C7orf78: variants seen among roughly 807,000 people sequenced by gnomAD.
C7orf78 encodes chromosome 7 open reading frame 78, also known as putative uncharacterized protein C7orf78.
chr7:12,541,705 C>T, the C7orf78 span: 2 of 151,616 alleles, frequency 1.3e-5, no homozygotes, highest in African/African-American at 4.8e-5. Flanking sequence ...TATGTATGAG[C>T]TTTGTGTTCA....
the C7orf78 span, chr7:12,523,280 A>C: frequency 2.5e-6 from 1 of 398,510 alleles, no homozygotes; most frequent in African/African-American, 2.1e-5. Flanking sequence ...GCCCAGCATA[A>C]GGAATCATCC....
chr7:12,529,790 A>C, the C7orf78 span, among the ~76,000 whole-genome samples: 1 of 152,346 alleles, frequency 6.6e-6, no homozygotes, highest in South Asian at 2.1e-4. Context: ...AAAGAATTCA[A>C]GGGCGGGCCT....
the C7orf78 span, among the ~76,000 whole-genome samples, chr7:12,490,484 G>C: frequency 1.3e-5 from 2 of 152,104 alleles, no homozygotes; most frequent in African/African-American, 4.8e-5. Context: ...TCAGGGGAAG[G>C]AAGATTTTTA....
the C7orf78 span, among the ~76,000 whole-genome samples, chr7:12,490,395 A>G: frequency 6.6e-6 from 1 of 152,140 alleles, no homozygotes; most frequent in South Asian, 2.1e-4. Context: ...TGAATTAATT[A>G]TGCACTACTT....
the C7orf78 span, among the ~76,000 whole-genome samples, chr7:12,495,862 G>A: frequency 6.6e-6 from 1 of 152,140 alleles, no homozygotes; most frequent in Non-Finnish European, 1.5e-5. Flanking sequence ...AAATCAGAGT[G>A]TTGAGGTTTT....
At chr7:12,500,575 G>T in the C7orf78 span, among the ~76,000 whole-genome samples, 1 of 150,796 alleles carries the variant, frequency 6.6e-6, no homozygotes, top group Non-Finnish European at 1.5e-5. Flanking sequence ...ATCTGAAATT[G>T]TGGCAATAAT....
the C7orf78 span, chr7:12,528,828 TG>T: frequency 2.5e-6 from 1 of 397,150 alleles, no homozygotes; most frequent in Non-Finnish European, 4.4e-6. Context: ...TCTCCAAAAA[TG>T]ATACATCTGA....
chr7:12,499,437 C>T, the C7orf78 span, among the ~76,000 whole-genome samples: 2 of 150,564 alleles, frequency 1.3e-5, no homozygotes, highest in Admixed American at 1.3e-4. Context: ...ATCCTAGTCT[C>T]TGATAAAACA....
chr7:12,513,894 G>A, the C7orf78 span, among the ~76,000 whole-genome samples: 5 of 152,108 alleles, frequency 3.3e-5, no homozygotes, highest in Non-Finnish European at 7.3e-5. Context: ...CAGCTACTAG[G>A]GAGGCTGAAG....
At chr7:12,500,986 G>A in the C7orf78 span, among the ~76,000 whole-genome samples, 19 of 151,594 alleles carry the variant, frequency 1.3e-4, no homozygotes, top group East Asian at 2.3e-3. Flanking sequence ...AAACCACATG[G>A]TTATCTCAAT....
the C7orf78 span, among the ~76,000 whole-genome samples, chr7:12,508,706 A>T: frequency 2.6e-5 from 4 of 152,204 alleles, no homozygotes; most frequent in African/African-American, 9.6e-5. Flanking sequence ...AGAGGGCCAG[A>T]GAGCAAAGCT....
the C7orf78 span, among the ~76,000 whole-genome samples, chr7:12,521,928 C>A: frequency 6.6e-6 from 1 of 151,702 alleles, no homozygotes; most frequent in African/African-American, 2.4e-5. Context: ...TCTTGTTTTT[C>A]TCTCAATATG....
the C7orf78 span, among the ~76,000 whole-genome samples, chr7:12,521,900 A>G: frequency 1.3e-5 from 2 of 151,914 alleles, no homozygotes; most frequent in African/African-American, 2.4e-5. Context: ...CAGAGAAGCT[A>G]TGCTCCTTTT....
At chr7:12,522,532 C>T in the C7orf78 span, among the ~76,000 whole-genome samples, 1 of 152,206 alleles carries the variant, frequency 6.6e-6, no homozygotes, top group South Asian at 2.1e-4. Context: ...TTATTGCCTT[C>T]CTTTACCACC....
chr7:12,506,798 G>C, the C7orf78 span: 1 of 358,638 alleles, frequency 2.8e-6, no homozygotes, highest in Non-Finnish European at 5.4e-6. Flanking sequence ...AAAATAAAAA[G>C]GGACAGAGAT....
the C7orf78 span, among the ~76,000 whole-genome samples, chr7:12,539,767 C>G: frequency 1.3e-5 from 2 of 152,156 alleles, 1 homozygote; most frequent in South Asian, 4.1e-4. Context: ...CTCTAACTGA[C>G]TAAACCTATG....
At chr7:12,526,233 T>C in the C7orf78 span, among the ~76,000 whole-genome samples, 1 of 152,106 alleles carries the variant, frequency 6.6e-6, no homozygotes, top group African/African-American at 2.4e-5. Flanking sequence ...AAACTGTCTA[T>C]CTATTGGTTT....
the C7orf78 span, among the ~76,000 whole-genome samples, chr7:12,523,792 A>C: frequency 6.6e-6 from 1 of 152,194 alleles, no homozygotes; most frequent in African/African-American, 2.4e-5. Context: ...TTGTGGAATA[A>C]ATTGGTGAAT....
At chr7:12,541,158 T>C in the C7orf78 span, 2 of 152,240 alleles carry the variant, frequency 1.3e-5, no homozygotes, top group Non-Finnish European at 2.9e-5. Context: ...ATTTAGTTTG[T>C]GAAAGTTAGA....
Sources: gnomAD v4.1 joint callset for allele counts (sites outside exome capture counted in the v4.1 genomes callset) on GRCh38, gnomAD v4.1.1 for gene constraint, MANE v1.5 for transcripts, NCBI Gene and HGNC (gene_info 2026-07-23, HGNC 2026-07-21) for gene names.